Variants in THRB observed in about 807,000 individuals in gnomAD.
THRB encodes the protein nuclear receptor subfamily 1 group A member 2.
In THRB, 12 loss-of-function variants were observed where a neutral mutation model predicts 47.8. The ratio of observed to expected loss-of-function variants is 0.25; its 90% confidence interval spans 0.16 to 0.41. The LOEUF is 0.41. Among genes scored for constraint, THRB ranks in the 10% least tolerant of loss-of-function variants. The pLI, the probability that THRB is intolerant of heterozygous loss-of-function variation, is 1.00. For synonymous variants in THRB, 218 were observed against 212.2 expected, an observed-to-expected ratio of 1.03 and a Z score of -0.24; for missense variants, 348 against 589.2, an observed-to-expected ratio of 0.59 and a Z score of 4.24.
chr3:24,404,319 C>T (rs528444257), intron 1 of THRB, among the ~76,000 whole-genome samples: 1 of 152,002 alleles, frequency 6.6e-6, no homozygotes, highest in Non-Finnish European at 1.5e-5. Flanking sequence ...GTTTCAAACT[C>T]CATATTGCAA....
chr3:24,450,682 T>C (rs1347702407), intron 1 of THRB, among the ~76,000 whole-genome samples: 1 of 152,070 alleles, frequency 6.6e-6, no homozygotes, highest in Non-Finnish European at 1.5e-5. Flanking sequence ...CCAGTGTAGG[T>C]AAATGAAAAA....
intron 3 of THRB, among the ~76,000 whole-genome samples, chr3:24,248,355 A>G (rs1404513339): frequency 6.6e-6 from 1 of 152,192 alleles, no homozygotes; most frequent in African/African-American, 2.4e-5. Context: ...TCTTTTCTCG[A>G]AAAGCCAAGA....
At chr3:24,470,196 G>C (rs932661397) in intron 1 of THRB, among the ~76,000 whole-genome samples, 1 of 152,152 alleles carries the variant, frequency 6.6e-6, no homozygotes, top group Non-Finnish European at 1.5e-5. Context: ...ACGCTAGATA[G>C]GCACATTACG....
intron 1 of THRB, among the ~76,000 whole-genome samples, chr3:24,378,967 C>T (rs965906650): frequency 1.3e-5 from 2 of 151,954 alleles, no homozygotes; most frequent in Non-Finnish European, 2.9e-5. Context: ...AAAATGCCAG[C>T]ACCATTTGAA....
chr3:24,242,325 T>C (rs1411993335), intron 3 of THRB, among the ~76,000 whole-genome samples: 1 of 152,200 alleles, frequency 6.6e-6, no homozygotes, highest in Non-Finnish European at 1.5e-5. Context: ...ATGGTGATTA[T>C]TTTCCGAACA....
At chr3:24,266,397 C>T (rs1268048971) in intron 3 of THRB, among the ~76,000 whole-genome samples, 5 of 151,894 alleles carry the variant, frequency 3.3e-5, no homozygotes, top group East Asian at 3.9e-4. Flanking sequence ...GGGAGTGGGC[C>T]GAATCCAAAG....
chr3:24,257,755 T>G (rs1458911777), intron 3 of THRB, among the ~76,000 whole-genome samples: 2 of 152,242 alleles, frequency 1.3e-5, no homozygotes, highest in Non-Finnish European at 2.9e-5. Flanking sequence ...AATTATATAA[T>G]GCATTCAACA....
chr3:24,184,701 A>G (rs955173191), intron 5 of THRB, among the ~76,000 whole-genome samples: 33 of 152,172 alleles, frequency 2.2e-4, no homozygotes, highest in African/African-American at 7.2e-4. Context: ...GTTGATTGCT[A>G]AGGTTCCCAG....
At chr3:24,455,392 G>C (rs921437314) in intron 1 of THRB, 3 of 152,048 alleles carry the variant, frequency 2.0e-5, no homozygotes, top group Middle Eastern at 3.2e-3. Flanking sequence ...GATCCTGAGA[G>C]GTCTTACTTA....
chr3:24,417,818 G>GGTTGAGTA, intron 1 of THRB, among the ~76,000 whole-genome samples: 1 of 151,958 alleles, frequency 6.6e-6, no homozygotes, highest in Admixed American at 6.6e-5. Context: ...TTGTGCCACT[G>GGTTGAGTA]GTTGAGTAAG....
chr3:24,433,583 CTGTAAAATAATACATT>C (rs1268171503), intron 1 of THRB, among the ~76,000 whole-genome samples: 1 of 152,128 alleles, frequency 6.6e-6, no homozygotes, highest in East Asian at 1.9e-4. Context: ...ACCTCCAGAA[CTGTAAAATAATACATT>C]TGTGTTGTTT....
Position 24,327,099 on chromosome 3 carries a change from G to A in THRB, c.-189+10201C>T, listed in dbSNP as rs182031883. ...TTCTTTAGTGTGGACTTCTTATATGGTTGCCATTGAGAGTGTTCATAAAAT... is the reference window on the plus strand; with the variant it reads ...TTCTTTAGTGTGGACTTCTTATATGATTGCCATTGAGAGTGTTCATAAAAT... On this transcript the variant is annotated intron_variant, in intron 2 of 10. Transcript: ENST00000646209. 2.9e-3 allele frequency among the ~76,000 whole-genome samples: 444 copies of A among 152,214 alleles called. 4 individuals are homozygous for A. The highest frequency in any genetic ancestry group is 0.011 in the African/African-American group (436 of 41,518).
intron 1 of THRB, chr3:24,348,796 T>C (rs901425924): frequency 2.6e-5 from 4 of 152,104 alleles, no homozygotes; most frequent in African/African-American, 7.2e-5. Flanking sequence ...TGATGAATAT[T>C]GAAAGTTTCC....
chr3:24,280,757 T>A (rs1217371471), intron 3 of THRB, among the ~76,000 whole-genome samples: 1 of 151,882 alleles, frequency 6.6e-6, no homozygotes, highest in African/African-American at 2.4e-5. Context: ...CTGATGGAGC[T>A]GAAAACCAAG....
At chr3:24,227,378 T>A (rs1422497640) in intron 4 of THRB, among the ~76,000 whole-genome samples, 1 of 152,202 alleles carries the variant, frequency 6.6e-6, no homozygotes, top group Non-Finnish European at 1.5e-5. Flanking sequence ...TTGAATGTGT[T>A]GGTTTATGAC....
At chr3:24,249,379 C>G (rs2050427419) in intron 3 of THRB, among the ~76,000 whole-genome samples, 1 of 152,152 alleles carries the variant, frequency 6.6e-6, no homozygotes, top group South Asian at 2.1e-4. Context: ...CCTTATACTT[C>G]TAATACTTTA....
chr3:24,242,675 C>CAA (rs1444463128), intron 3 of THRB, among the ~76,000 whole-genome samples: 12 of 152,152 alleles, frequency 7.9e-5, no homozygotes, highest in African/African-American at 2.9e-4. Flanking sequence ...GAATCACATA[C>CAA]CTTCTTCTTG....
chr3:24,227,180 T>C (rs1351909305), intron 4 of THRB, among the ~76,000 whole-genome samples: 2 of 152,202 alleles, frequency 1.3e-5, no homozygotes, highest in Non-Finnish European at 2.9e-5. Context: ...GCCATCCTTA[T>C]AGCACCTGCT....
chr3:24,490,385 C>T (rs971220026), intron 1 of THRB, among the ~76,000 whole-genome samples: 6 of 152,166 alleles, frequency 3.9e-5, no homozygotes, highest in African/African-American at 1.4e-4. Context: ...CTGGACAAAT[C>T]CAAGTCCAAA....
Sources: gnomAD v4.1 joint callset for allele counts (sites outside exome capture counted in the v4.1 genomes callset) on GRCh38, gnomAD v4.1.1 for gene constraint, MANE v1.5 for transcripts, NCBI Gene and HGNC (gene_info 2026-07-23, HGNC 2026-07-21) for gene names.